DDX50: variants seen among roughly 807,000 people sequenced by gnomAD.
The protein encoded by DDX50 is DExD-box helicase 50, also known as ATP-dependent RNA helicase DDX50.
A neutral mutation model predicts 94.8 loss-of-function variants in DDX50; 56 were observed. The ratio of observed to expected loss-of-function variants is 0.59; its 90% CI spans 0.48 to 0.74. The LOEUF is 0.74. Ranked by LOEUF, DDX50 falls within the 30% of genes least tolerant of loss-of-function variation. The probability of loss-of-function intolerance (pLI) is 0.00; values close to 1 mark genes in which losing one functional copy is unlikely to be tolerated. For missense variants in DDX50, 713 were observed against 881.2 expected (o/e 0.81, Z 2.42); for synonymous variants, 264 against 295.4 (o/e 0.89, Z 1.09).
chr10:68,912,372 A>G (rs1371595581), intron 4 of DDX50, among the ~76,000 whole-genome samples: 1 of 151,970 alleles, frequency 6.6e-6, no homozygotes, highest in African/African-American at 2.4e-5. Context: ...GTGCCACCAC[A>G]CTTGGCTAAT....
intron 8 of DDX50, among the ~76,000 whole-genome samples, chr10:68,925,068 TA>T (rs1340355947): frequency 2.0e-5 from 3 of 149,890 alleles, no homozygotes; most frequent in Admixed American, 1.3e-4. Context: ...CCCACGTAGA[TA>T]CAAGAATTAT....
intron 7 of DDX50, among the ~76,000 whole-genome samples, chr10:68,917,223 G>T (rs376474743): frequency 6.6e-6 from 1 of 151,956 alleles, no homozygotes; most frequent in Non-Finnish European, 1.5e-5. Flanking sequence ...ACTTTGGGAG[G>T]ACGAGGATGG....
chr10:68,916,573 C>A (rs1228928364), intron 7 of DDX50, among the ~76,000 whole-genome samples: 10 of 152,142 alleles, frequency 6.6e-5, no homozygotes, highest in Admixed American at 6.6e-4. Context: ...CTTTTCTTCA[C>A]CCCTGCATTT....
At chr10:68,924,726 CT>C (rs367798888) in intron 8 of DDX50, among the ~76,000 whole-genome samples, 12 of 151,504 alleles carry the variant, frequency 7.9e-5, no homozygotes, top group African/African-American at 2.9e-4. Context: ...TTCTCTGTAT[CT>C]TTTTTTTTCT....
In DDX50 at chr10:68,911,098, A is replaced by T. The variant is rs1374302943; in HGVS notation, c.491A>T (p.Gln164Leu). ...GRGVTYLFPI[Q>L]VKTFGPVYEG... ...GGGGTAACATATCTCTTTCCTATTC[A>T]AGTTAAGACCTTTGGTCCTGTATAT... The change falls in exon 4 of 15, where the codon CAA (glutamine) becomes CTA (leucine). Residue 164 changes from glutamine (Q) to leucine (L), a missense_variant. Gln to Leu is a moderately radical substitution (Grantham distance 113). Around this residue, in one of 2 missense-constraint regions of DDX50, gnomAD observed 285 missense variants for 278.9 expected, o/e 1.02. Coordinates refer to ENST00000373585, the MANE Select transcript of DDX50 (RefSeq NM_024045.2). 1 of 1,569,312 alleles carries T rather than the reference A, an allele frequency of 6.4e-7. No homozygotes were observed. The highest frequency in any genetic ancestry group is 2.3e-5 in the East Asian group (1 of 44,106).
chr10:68,940,973 G>A (rs1842540462), intron 12 of DDX50, 87 bp from the exon 13 acceptor site: 3 of 1,500,780 alleles, frequency 2.0e-6, no homozygotes, highest in Admixed American at 2.4e-5. Context: ...GAAATGCACA[G>A]TTAAGTCTTG....
chr10:68,902,190 C>CAAAAAA (rs35302047), intron 1 of DDX50, among the ~76,000 whole-genome samples: 1 of 94,320 alleles, frequency 1.1e-5, no homozygotes, highest in Non-Finnish European at 2.0e-5. Context: ...CCCTGCCCTC[C>CAAAAAA]AAAAAAAAAA....
chr10:68,916,364 A>AAC (rs2132032918), intron 7 of DDX50, among the ~76,000 whole-genome samples: 1 of 151,396 alleles, frequency 6.6e-6, no homozygotes, highest in East Asian at 1.9e-4. Context: ...AAAAAAAAAA[A>AAC]AAAAAGAATA....
At chr10:68,918,535 A>G (rs1203103384) in intron 7 of DDX50, among the ~76,000 whole-genome samples, 2 of 148,520 alleles carry the variant, frequency 1.3e-5, no homozygotes, top group Non-Finnish European at 3.0e-5. Context: ...TCCCGGGTTC[A>G]AGCAATTCTC....
intron 8 of DDX50, among the ~76,000 whole-genome samples, chr10:68,927,112 G>T (rs1473984498): frequency 6.6e-6 from 1 of 151,848 alleles, no homozygotes. Context: ...GGGTCTCCTT[G>T]TGTTACCCAG....
intron 11 of DDX50, among the ~76,000 whole-genome samples, chr10:68,936,716 C>G (rs1842429896): frequency 6.6e-6 from 1 of 150,920 alleles, no homozygotes; most frequent in Non-Finnish European, 1.5e-5. Flanking sequence ...GCGCGTGCAC[C>G]TGTAGTCCCA....
intron 6 of DDX50, 59 bp downstream of exon 6, chr10:68,913,635 G>A: frequency 6.7e-6 from 10 of 1,494,634 alleles, no homozygotes; most frequent in Non-Finnish European, 9.0e-6. Flanking sequence ...AAATGCAAAC[G>A]AGTTTTTATT....
intron 2 of DDX50, among the ~76,000 whole-genome samples, chr10:68,908,532 A>T (rs1589249596): frequency 6.6e-6 from 1 of 150,992 alleles, no homozygotes; most frequent in African/African-American, 2.4e-5. Context: ...TTTTATGTGC[A>T]TAGAGTGAAG....
chr10:68,917,831 C>G (rs1222788231), intron 7 of DDX50, among the ~76,000 whole-genome samples: 1 of 152,070 alleles, frequency 6.6e-6, no homozygotes, highest in African/African-American at 2.4e-5. Flanking sequence ...TGGAAGTCCT[C>G]ACCTCACGTG....
chr10:68,903,844 C>T (rs1430719534), intron 1 of DDX50, among the ~76,000 whole-genome samples: 3 of 151,460 alleles, frequency 2.0e-5, no homozygotes, highest in Admixed American at 6.6e-5. Context: ...GGTGTGGTGG[C>T]GCGTGCCTGT....
intron 3 of DDX50, among the ~76,000 whole-genome samples, chr10:68,910,842 A>G (rs1841605543): frequency 6.6e-6 from 1 of 152,196 alleles, no homozygotes; most frequent in Non-Finnish European, 1.5e-5. Context: ...CTTTTACATC[A>G]TCCTTTTCAA....
intron 12 of DDX50, among the ~76,000 whole-genome samples, chr10:68,938,302 A>G (rs1006831734): frequency 4.6e-5 from 7 of 152,202 alleles, no homozygotes; most frequent in Non-Finnish European, 7.4e-5. Context: ...GTGTAAGTGT[A>G]ACACCATCTG....
At chr10:68,925,720 A>G (rs1024218017) in intron 8 of DDX50, among the ~76,000 whole-genome samples, 1 of 152,056 alleles carries the variant, frequency 6.6e-6, no homozygotes, top group Non-Finnish European at 1.5e-5. Context: ...TAAAAAGTTA[A>G]AAATTAGCCA....
At chr10:68,929,766 G>T (rs148840389) in intron 8 of DDX50, among the ~76,000 whole-genome samples, 1,617 of 133,202 alleles carry the variant, frequency 0.012, 36 homozygotes, top group African/African-American at 0.043. Flanking sequence ...TCACTGTGTC[G>T]CCCAGACTGG....
Sources: allele counts gnomAD v4.1 joint callset (sites outside exome capture counted in the v4.1 genomes callset), GRCh38; gene constraint gnomAD v4.1.1; regional missense constraint gnomAD v4.1.1; transcripts MANE v1.5; gene names NCBI Gene and HGNC (gene_info 2026-07-23, HGNC 2026-07-21).